LDB2: variants seen among roughly 807,000 people sequenced by gnomAD.
LDB2 encodes the protein LIM domain binding 2.
A neutral mutation model predicts 44.3 loss-of-function variants in LDB2; 12 were observed. The ratio of observed to expected loss-of-function variants is 0.27; its 90% confidence interval spans 0.17 to 0.44. The LOEUF is 0.44. LDB2 is among the 20% of genes least tolerant of loss of function. The probability of loss-of-function intolerance (pLI) is 1.00; values close to 1 mark genes in which losing one functional copy is unlikely to be tolerated. For synonymous variants in LDB2, 164 were observed against 174.8 expected (o/e 0.94, Z 0.49); for missense variants, 344 against 473.5 (o/e 0.73, Z 2.54).
chr4:16,834,218 C>G (rs772669578), intron 1 of LDB2, among the ~76,000 whole-genome samples: 3 of 150,850 alleles, frequency 2.0e-5, no homozygotes, highest in Non-Finnish European at 4.5e-5. Context: ...CTTGATCCAC[C>G]TTAGGGACTT....
At chr4:16,560,974 T>G (rs886669277) in intron 5 of LDB2, among the ~76,000 whole-genome samples, 3 of 152,192 alleles carry the variant, frequency 2.0e-5, no homozygotes, top group Admixed American at 6.5e-5. Flanking sequence ...AACCACATGA[T>G]TATCTCAAAA....
intron 2 of LDB2, among the ~76,000 whole-genome samples, chr4:16,611,353 T>G (rs577849178): frequency 1.3e-5 from 2 of 152,160 alleles, no homozygotes; most frequent in African/African-American, 4.8e-5. Flanking sequence ...AGGATCAAAT[T>G]CACATATAAC....
At chr4:16,878,197 T>C (rs11934934) in intron 1 of LDB2, among the ~76,000 whole-genome samples, 37,009 of 152,068 alleles carry the variant, frequency 0.24, 5,338 homozygotes, top group East Asian at 0.69. Flanking sequence ...TTGATGGGCA[T>C]TGAGGATATG....
chr4:16,764,755 G>A (rs1768821212), intron 1 of LDB2, among the ~76,000 whole-genome samples: 1 of 152,198 alleles, frequency 6.6e-6, no homozygotes, highest in Admixed American at 6.5e-5. Context: ...GAGAAATGAT[G>A]CGGAAGTACC....
At chr4:16,818,444 A>C (rs1319202451) in intron 1 of LDB2, among the ~76,000 whole-genome samples, 1 of 152,230 alleles carries the variant, frequency 6.6e-6, no homozygotes, top group East Asian at 1.9e-4. Context: ...CTGCCACACC[A>C]GGTATTATAG....
At chr4:16,645,413 T>C in intron 2 of LDB2, among the ~76,000 whole-genome samples, 1 of 151,488 alleles carries the variant, frequency 6.6e-6, no homozygotes, top group Non-Finnish European at 1.5e-5. Context: ...GGCGGGCGCC[T>C]GTAGTCCCAG....
intron 2 of LDB2, among the ~76,000 whole-genome samples, chr4:16,636,998 A>C (rs549435042): frequency 6.6e-6 from 1 of 152,344 alleles, no homozygotes; most frequent in East Asian, 1.9e-4. Context: ...ATCTGCCTTC[A>C]TTGAAATCAG....
intron 2 of LDB2, among the ~76,000 whole-genome samples, chr4:16,627,485 T>A (rs530298895): frequency 6.6e-5 from 10 of 152,316 alleles, no homozygotes; most frequent in African/African-American, 2.2e-4. Context: ...TTTATCATTA[T>A]CATCATCATC....
At chr4:16,802,167 A>G (rs1777958475) in intron 1 of LDB2, among the ~76,000 whole-genome samples, 2 of 152,158 alleles carry the variant, frequency 1.3e-5, no homozygotes, top group East Asian at 1.9e-4. Flanking sequence ...CAGTGAGTGG[A>G]CGCCCATCCT....
chr4:16,780,870 A>G (rs1773059896), intron 1 of LDB2, among the ~76,000 whole-genome samples: 1 of 152,162 alleles, frequency 6.6e-6, no homozygotes. Flanking sequence ...GCTTCTTGGA[A>G]GGTTAAGCAA....
At position 16,548,429 on chromosome 4, in the gene LDB2, G is replaced by A. The variant is rs111984088; in HGVS notation, c.616-36325C>T. 4.0e-3 allele frequency among the ~76,000 whole-genome samples: 614 copies of A among 152,240 alleles called. 4 individuals are homozygous for A. Among genetic ancestry groups the A allele is most frequent in the African/African-American group, 0.014 (588 of 41,522 alleles). On this transcript the variant is annotated intron_variant, in intron 5 of 7. Coordinates refer to ENST00000304523, the MANE Select transcript of LDB2 (RefSeq NM_001290.5). Reference sequence around the variant, plus strand: ...CACCTTTCTCCTCAAGTTGGACTTAGCTTTGATACAGCCTCTTCCAGACAC... The same window carrying A: ...CACCTTTCTCCTCAAGTTGGACTTAACTTTGATACAGCCTCTTCCAGACAC...
rs1287187688 is a variant in LDB2 at position 16,782,875 on chromosome 4, C to A, written c.133-23615G>T. ...GAAGGGGGCAGATAAGTCCAGTAGACAAACATGTGGGTGTATTATTGGTGT... is the reference window on the plus strand; with the variant it reads ...GAAGGGGGCAGATAAGTCCAGTAGAAAAACATGTGGGTGTATTATTGGTGT... On this transcript the variant is annotated intron_variant, in intron 1 of 7. Coordinates refer to ENST00000304523, the MANE Select transcript of LDB2 (RefSeq NM_001290.5). 3.9e-5 allele frequency among the ~76,000 whole-genome samples: 6 copies of A among 152,004 alleles called. No individual in the cohort carries two copies. In the East Asian group the frequency reaches 1.2e-3, roughly 29 times the overall value.
chr4:16,742,932 A>G lies in LDB2; in HGVS notation c.235+16226T>C, dbSNP rs138003899. Among the ~76,000 whole-genome samples, 977 of 152,152 alleles carry G rather than the reference A, an allele frequency of 6.4e-3. 6 individuals are homozygous for G. The highest frequency in any genetic ancestry group is 0.022 in the African/African-American group (918 of 41,496). ...ACTCATTGCCTCTGCCATGCCTCCC[A>G]ACCCCTACAGCAGGAAATGACTTCT... On this transcript the variant is annotated intron_variant, in intron 2 of 7. Transcript: ENST00000304523.
Position 16,682,253 on chromosome 4 carries a change from T to TA in LDB2, c.235+76904dup, listed in dbSNP as rs200099999. Among the ~76,000 whole-genome samples the TA allele has an allele frequency of 6.5e-3, 989 of 151,462 alleles. 23 individuals are homozygous for TA. In the East Asian group the frequency reaches 0.091, roughly 14 times the overall value. ...AGTCAAAAAGTAACTAGTTAAAATTTAAAAAATCCCAATTTAGATTCTGTC... is the reference window on the plus strand; with the variant it reads ...AGTCAAAAAGTAACTAGTTAAAATTTAAAAAAATCCCAATTTAGATTCTGTC... On this transcript the variant is annotated intron_variant, in intron 2 of 7. Coordinates refer to ENST00000304523, the MANE Select transcript of LDB2 (RefSeq NM_001290.5).
intron 5 of LDB2, among the ~76,000 whole-genome samples, chr4:16,557,050 T>G (rs570357602): frequency 9.8e-5 from 15 of 152,334 alleles, no homozygotes. Context: ...CATGAAGAAT[T>G]TGCAGAATTT....
intron 2 of LDB2, among the ~76,000 whole-genome samples, chr4:16,694,907 A>C (rs1474635800): frequency 6.6e-6 from 1 of 152,208 alleles, no homozygotes; most frequent in Non-Finnish European, 1.5e-5. Flanking sequence ...TGTTCTATCT[A>C]TCAATGCAAG....
At position 16,717,413 on chromosome 4, in the gene LDB2, C is replaced by G. The variant is rs1757310211; in HGVS notation, c.235+41745G>C. 2.0e-5 allele frequency among the ~76,000 whole-genome samples: 3 copies of G among 152,032 alleles called. No individual in the cohort carries two copies. The South Asian group carries it at 6.2e-4, about 32-fold the overall frequency. ...GCCTCCAACCCCAATCATACCCCCTCCTGCATTTTAGATGCATTCCAGAAA... is the reference window on the plus strand; with the variant it reads ...GCCTCCAACCCCAATCATACCCCCTGCTGCATTTTAGATGCATTCCAGAAA... On this transcript the variant is annotated intron_variant, in intron 2 of 7. Transcript: ENST00000304523.
Position 16,574,785 on chromosome 4 carries a change from G to T in LDB2, c.615+11137C>A, listed in dbSNP as rs189740106. Reference sequence around the variant, plus strand: ...TGTTTGCCAGGCTCTTTCAAACTGTGGTCCATCTAATCTTCATGCCAAACT... The same window carrying T: ...TGTTTGCCAGGCTCTTTCAAACTGTTGTCCATCTAATCTTCATGCCAAACT... On this transcript the variant is annotated intron_variant, in intron 5 of 7. Coordinates refer to ENST00000304523, the MANE Select transcript of LDB2 (RefSeq NM_001290.5). Among the ~76,000 whole-genome samples the T allele has an allele frequency of 7.2e-4, 109 of 152,220 alleles. 1 individual carries two copies. The highest frequency in any genetic ancestry group is 2.3e-3 in the African/African-American group (94 of 41,536).
chr4:16,587,620 G>C (rs769947311), intron 4 of LDB2, among the ~76,000 whole-genome samples: 6 of 152,138 alleles, frequency 3.9e-5, no homozygotes, highest in Non-Finnish European at 7.4e-5. Context: ...AAAAGCATAA[G>C]GCTAATGGGA....
Sources: allele counts gnomAD v4.1 joint callset (sites outside exome capture counted in the v4.1 genomes callset), GRCh38; gene constraint gnomAD v4.1.1; transcripts MANE v1.5; gene names NCBI Gene and HGNC (gene_info 2026-07-23, HGNC 2026-07-21).